PAX7: variants seen among roughly 807,000 people sequenced by gnomAD.
PAX7 encodes the protein paired box 7.
Under a neutral mutation model 50.7 loss-of-function variants are expected in PAX7, and 18 were observed. The ratio of observed to expected loss-of-function variants is 0.36; its 90% confidence interval spans 0.25 to 0.53. The LOEUF (loss-of-function observed/expected upper bound fraction) is 0.53. Among genes scored for constraint, PAX7 ranks in the 20% least tolerant of loss-of-function variants. PAX7 has a pLI of 0.93. For missense variants in PAX7, 644 were observed against 702.9 expected (o/e 0.92, Z 0.95); for synonymous variants, 310 against 290.4 (o/e 1.07, Z -0.69).
chr1:18,744,429 A>AGTAT (rs1931308538), intron 8 of PAX7, among the ~76,000 whole-genome samples: 1 of 60,488 alleles, frequency 1.7e-5, no homozygotes, highest in African/African-American at 1.1e-4. Flanking sequence ...GATAGATGGA[A>AGTAT]GGATGGATGG....
chr1:18,692,518 G>A (rs1289701082), intron 5 of PAX7, among the ~76,000 whole-genome samples: 2 of 151,966 alleles, frequency 1.3e-5, no homozygotes, highest in Admixed American at 1.3e-4. Context: ...CTCCAGCCTG[G>A]GTGACAGAGC....
At chr1:18,710,083 C>A (rs1172677904) in intron 7 of PAX7, among the ~76,000 whole-genome samples, 5 of 152,228 alleles carry the variant, frequency 3.3e-5, no homozygotes, top group Non-Finnish European at 5.9e-5. Flanking sequence ...AAAAGACATT[C>A]CATCAATGGC....
chr1:18,720,858 A>G (rs1473114231), intron 7 of PAX7, among the ~76,000 whole-genome samples: 1 of 151,966 alleles, frequency 6.6e-6, no homozygotes, highest in East Asian at 1.9e-4. Context: ...AGGGAGAGAG[A>G]TAAATCAAGA....
intron 4 of PAX7, among the ~76,000 whole-genome samples, chr1:18,650,529 C>A (rs1217818512): frequency 6.6e-6 from 1 of 152,160 alleles, no homozygotes; most frequent in Non-Finnish European, 1.5e-5. Flanking sequence ...GAGGGCTGTG[C>A]CCCGGAGTCA....
At chr1:18,656,407 G>A (rs1406640733) in intron 4 of PAX7, among the ~76,000 whole-genome samples, 1 of 152,142 alleles carries the variant, frequency 6.6e-6, no homozygotes, top group Non-Finnish European at 1.5e-5. Flanking sequence ...GCTGAGGCAC[G>A]AGAATCACTC....
At chr1:18,727,516 T>G (rs2089590559) in intron 7 of PAX7, among the ~76,000 whole-genome samples, 1 of 151,450 alleles carries the variant, frequency 6.6e-6, no homozygotes, top group Non-Finnish European at 1.5e-5. Context: ...AAGTCGAGAG[T>G]CAAGGGTCCT....
At chr1:18,730,372 A>G (rs1157658459) in intron 7 of PAX7, among the ~76,000 whole-genome samples, 1 of 151,466 alleles carries the variant, frequency 6.6e-6, no homozygotes, top group African/African-American at 2.4e-5. Context: ...TTAGAGCCTC[A>G]GGGTCCCTCT....
At chr1:18,693,988 C>T (rs887287149) in intron 5 of PAX7, among the ~76,000 whole-genome samples, 6 of 152,188 alleles carry the variant, frequency 3.9e-5, no homozygotes, top group African/African-American at 1.2e-4. Context: ...GGGCGGGGCC[C>T]GCCTCCTGCG....
chr1:18,744,955 C>G lies in PAX7; in HGVS notation c.*26C>G, dbSNP rs1334248376. ...GGCCCCTGGGGCGACTTGCCCCAGC[C>G]CAATTCCCAGCCCAACCCTAACTGA... On this transcript the variant is annotated 3_prime_UTR_variant, in exon 9 of 9. Coordinates refer to ENST00000420770, the MANE Select transcript of PAX7 (RefSeq NM_001135254.2). 3 of 1,341,620 alleles carry G rather than the reference C, an allele frequency of 2.2e-6. No individual in the cohort carries two copies. The highest frequency in any genetic ancestry group is 3.1e-6 in the Non-Finnish European group (3 of 955,832). The allele number at this position is 1,341,620 out of a possible 1,614,324, so 83.1% of individuals were successfully genotyped here.
At chr1:18,652,757 C>T (rs1296190095) in intron 4 of PAX7, among the ~76,000 whole-genome samples, 1 of 152,206 alleles carries the variant, frequency 6.6e-6, no homozygotes. Context: ...TTGAGGCATA[C>T]AGAGAGGTGC....
intron 7 of PAX7, among the ~76,000 whole-genome samples, chr1:18,717,004 G>T (rs1434976813): frequency 6.6e-6 from 1 of 151,320 alleles, no homozygotes; most frequent in Admixed American, 6.6e-5. Flanking sequence ...GATCGGGTCT[G>T]GGGGGATCCG....
At chr1:18,667,071 G>A (rs1023808424) in intron 4 of PAX7, among the ~76,000 whole-genome samples, 9 of 152,048 alleles carry the variant, frequency 5.9e-5, no homozygotes, top group African/African-American at 1.5e-4. Flanking sequence ...ACAGTTCTTC[G>A]TTTGGTCTGA....
intron 4 of PAX7, among the ~76,000 whole-genome samples, chr1:18,658,978 A>T (rs187199356): frequency 6.6e-6 from 1 of 151,994 alleles, no homozygotes; most frequent in Admixed American, 6.6e-5. Flanking sequence ...GTGTACACAT[A>T]TGTATGTGTG....
intron 4 of PAX7, among the ~76,000 whole-genome samples, chr1:18,679,445 C>T (rs1388769421): frequency 6.6e-6 from 1 of 152,184 alleles, no homozygotes. Flanking sequence ...GGTCAGGCTG[C>T]CTTTTCCTTT....
chr1:18,739,312 G>A (rs935705763), intron 8 of PAX7, among the ~76,000 whole-genome samples: 3 of 152,230 alleles, frequency 2.0e-5, no homozygotes, highest in African/African-American at 4.8e-5. Flanking sequence ...CCACCCATGC[G>A]TGGATTCATG....
intron 4 of PAX7, among the ~76,000 whole-genome samples, chr1:18,682,767 G>A (rs6661257): frequency 6.6e-6 from 1 of 152,202 alleles, no homozygotes; most frequent in Admixed American, 6.5e-5. Flanking sequence ...CCCCTCCTGG[G>A]TCTGCCTGGG....
chr1:18,659,062 G>T (rs1359939678), intron 4 of PAX7, among the ~76,000 whole-genome samples: 2 of 152,128 alleles, frequency 1.3e-5, no homozygotes, highest in African/African-American at 4.8e-5. Context: ...TTGTGTGCAT[G>T]CATGTGACTG....
At chr1:18,695,669 G>T (rs2089141324) in intron 5 of PAX7, among the ~76,000 whole-genome samples, 1 of 152,210 alleles carries the variant, frequency 6.6e-6, no homozygotes, top group African/African-American at 2.4e-5. Context: ...GAGAACCCAT[G>T]CCTGGGGACC....
chr1:18,730,343 G>A (rs1049588590), intron 7 of PAX7, among the ~76,000 whole-genome samples: 5 of 152,092 alleles, frequency 3.3e-5, no homozygotes, highest in African/African-American at 7.2e-5. Context: ...CAGTGCCCTC[G>A]GGGAAACTGT....
Sources: gnomAD v4.1 joint callset for allele counts (sites outside exome capture counted in the v4.1 genomes callset) on GRCh38, gnomAD v4.1.1 for gene constraint, MANE v1.5 for transcripts, NCBI Gene and HGNC (gene_info 2026-07-23, HGNC 2026-07-21) for gene names.